Variants in IMMP2L observed in about 807,000 individuals in gnomAD.
IMMP2L encodes inner mitochondrial membrane peptidase subunit 2.
In IMMP2L, 18 loss-of-function variants were observed where a neutral mutation model predicts 19.3. The observed-to-expected ratio is 0.93, with a 90% CI of 0.64 to 1.38. The LOEUF (loss-of-function observed/expected upper bound fraction) is 1.38. Among genes scored for constraint, IMMP2L ranks in the 40% most tolerant of loss-of-function variants. IMMP2L has a pLI of 0.00. For synonymous variants in IMMP2L, 76 were observed against 73.0 expected, an observed-to-expected ratio of 1.04 and a Z score of -0.21; for missense variants, 233 against 218.2, an observed-to-expected ratio of 1.07 and a Z score of -0.43.
chr7:111,534,434 A>G (rs1847691031), intron 1 of IMMP2L, among the ~76,000 whole-genome samples: 1 of 152,092 alleles, frequency 6.6e-6, no homozygotes, highest in African/African-American at 2.4e-5. Flanking sequence ...ACACAGCATC[A>G]TCCTCATCGT....
chr7:111,562,433 C>CCGCCGGA lies in IMMP2L; in HGVS notation c.-592_-586dup, dbSNP rs1399076813. On this transcript the variant is annotated 5_prime_UTR_variant, in exon 1 of 6. Coordinates refer to ENST00000405709, the MANE Select transcript of IMMP2L (RefSeq NM_032549.4). The stretch of plus-strand genomic sequence containing the variant: ...TGCCAGCCTCACAGCCCCCCACCCG[C>CCGCCGGA]CGCCGGACGCCGGGCGCCCGCCCTC... 1 of 151,406 alleles carries CCGCCGGA rather than the reference C, an allele frequency of 6.6e-6. No homozygotes were observed. Among genetic ancestry groups the CCGCCGGA allele is most frequent in the African/African-American group, 2.4e-5 (1 of 41,254 alleles). 9.4% of individuals were successfully genotyped at this position (151,406 alleles called of 1,614,324 possible).
intron 3 of IMMP2L, among the ~76,000 whole-genome samples, chr7:111,243,144 A>T (rs1382023895): frequency 2.0e-5 from 3 of 152,112 alleles, no homozygotes; most frequent in Non-Finnish European, 4.4e-5. Context: ...AACAACAGGA[A>T]TTTTTAAATG....
At chr7:111,268,802 G>A (rs1467607557) in intron 3 of IMMP2L, among the ~76,000 whole-genome samples, 1 of 151,376 alleles carries the variant, frequency 6.6e-6, no homozygotes, top group Non-Finnish European at 1.5e-5. Context: ...ACCTCACCCT[G>A]TTGCCCTAGC....
At chr7:110,678,899 G>A (rs1792506460) in intron 5 of IMMP2L, among the ~76,000 whole-genome samples, 4 of 152,126 alleles carry the variant, frequency 2.6e-5, no homozygotes, top group Non-Finnish European at 5.9e-5. Flanking sequence ...AAGCCCTATG[G>A]TTTGGAAGAG....
At chr7:111,010,306 C>T (rs1166595800) in intron 3 of IMMP2L, among the ~76,000 whole-genome samples, 1 of 152,082 alleles carries the variant, frequency 6.6e-6, no homozygotes, top group Non-Finnish European at 1.5e-5. Flanking sequence ...AGAGAAGTCA[C>T]AGAGTCTTAC....
rs1005183732 is a variant in IMMP2L at position 111,434,259 on chromosome 7, G to A, written c.239+52979C>T. Among the ~76,000 whole-genome samples the A allele has an allele frequency of 1.3e-5, 2 of 151,774 alleles. 1 individual carries two copies. Among genetic ancestry groups the A allele is most frequent in the African/African-American group, 4.9e-5 (2 of 41,134 alleles). On this transcript the variant is annotated intron_variant, in intron 3 of 5. Coordinates refer to ENST00000405709, the MANE Select transcript of IMMP2L (RefSeq NM_032549.4). ...CCTAGCCATATGCAGAAGAATGAAAGTGGACCCATACCTGTCACAAAGTCT... is the reference window on the plus strand; with the variant it reads ...CCTAGCCATATGCAGAAGAATGAAAATGGACCCATACCTGTCACAAAGTCT...
At chr7:110,801,317 T>A (rs1002202110) in intron 5 of IMMP2L, among the ~76,000 whole-genome samples, 1 of 152,104 alleles carries the variant, frequency 6.6e-6, no homozygotes, top group Admixed American at 6.6e-5. Context: ...AGCCTTCCCA[T>A]ATACTGCTTG....
chr7:110,743,445 G>GT (rs1247883096), intron 5 of IMMP2L, among the ~76,000 whole-genome samples: 23 of 152,130 alleles, frequency 1.5e-4, no homozygotes, highest in South Asian at 6.2e-4. Context: ...TATTTAAAAT[G>GT]TTTTTTTAAA....
intron 3 of IMMP2L, among the ~76,000 whole-genome samples, chr7:111,444,469 T>G (rs1328282712): frequency 1.3e-5 from 2 of 152,124 alleles, no homozygotes. Flanking sequence ...AGTAAGTGCC[T>G]CTAGGGGTAC....
At chr7:111,220,210 T>C (rs1812365558) in intron 3 of IMMP2L, among the ~76,000 whole-genome samples, 1 of 152,004 alleles carries the variant, frequency 6.6e-6, no homozygotes. Context: ...AAAAATGAAA[T>C]CAGTTTCAAA....
intron 3 of IMMP2L, among the ~76,000 whole-genome samples, chr7:111,211,164 G>C (rs1200274843): frequency 6.6e-6 from 1 of 152,126 alleles, no homozygotes; most frequent in Non-Finnish European, 1.5e-5. Flanking sequence ...TACTACAAGA[G>C]TTCAGAAGAA....
At chr7:110,755,745 G>C (rs1584733379) in intron 5 of IMMP2L, among the ~76,000 whole-genome samples, 1 of 152,162 alleles carries the variant, frequency 6.6e-6, no homozygotes, top group East Asian at 1.9e-4. Flanking sequence ...AAGTTTGCTG[G>C]GTTGATAAGA....
At chr7:111,110,318 CT>C (rs1799055353) in intron 3 of IMMP2L, among the ~76,000 whole-genome samples, 1 of 152,102 alleles carries the variant, frequency 6.6e-6, no homozygotes, top group Non-Finnish European at 1.5e-5. Flanking sequence ...AACCTCAAAA[CT>C]AATATTTTTC....
intron 3 of IMMP2L, among the ~76,000 whole-genome samples, chr7:111,384,465 T>C (rs1831539669): frequency 6.6e-6 from 1 of 152,064 alleles, no homozygotes; most frequent in Non-Finnish European, 1.5e-5. Flanking sequence ...CCACTCCAAG[T>C]CACAATTCAT....
intron 1 of IMMP2L, among the ~76,000 whole-genome samples, chr7:111,541,361 T>C (rs79662775): frequency 0.01 from 1,560 of 152,314 alleles, 31 homozygotes; most frequent in African/African-American, 0.034. Flanking sequence ...GTTCATTTAA[T>C]AAACACAAGT....
At chr7:111,235,226 C>G (rs1474584326) in intron 3 of IMMP2L, among the ~76,000 whole-genome samples, 2 of 152,010 alleles carry the variant, frequency 1.3e-5, no homozygotes, top group African/African-American at 4.8e-5. Context: ...AATACCAGCA[C>G]TTTGGGAGGC....
At chr7:111,143,671 T>TA (rs919925639) in intron 3 of IMMP2L, among the ~76,000 whole-genome samples, 2 of 152,108 alleles carry the variant, frequency 1.3e-5, no homozygotes, top group Non-Finnish European at 2.9e-5. Context: ...ATAATACCTT[T>TA]AAAAAAGATA....
intron 5 of IMMP2L, among the ~76,000 whole-genome samples, chr7:110,862,134 A>C (rs560200659): frequency 6.6e-6 from 1 of 152,156 alleles, no homozygotes; most frequent in Non-Finnish European, 1.5e-5. Flanking sequence ...CTCATATATA[A>C]ATACATGTGG....
At chr7:111,157,781 T>C (rs578179431) in intron 3 of IMMP2L, among the ~76,000 whole-genome samples, 1 of 152,188 alleles carries the variant, frequency 6.6e-6, no homozygotes, top group Non-Finnish European at 1.5e-5. Context: ...CGATATCCCA[T>C]TTACCCTGAT....
Sources: allele counts gnomAD v4.1 joint callset (sites outside exome capture counted in the v4.1 genomes callset), GRCh38; gene constraint gnomAD v4.1.1; transcripts MANE v1.5; gene names NCBI Gene and HGNC (gene_info 2026-07-23, HGNC 2026-07-21).